Variants in OR4Q3 observed in about 807,000 individuals in gnomAD.
The protein encoded by OR4Q3 is olfactory receptor family 4 subfamily Q member 3.
Under a neutral mutation model 18.8 loss-of-function variants are expected in OR4Q3, and 17 were observed. That is an observed-to-expected ratio of 0.91 (90% CI 0.62 to 1.36). The LOEUF is 1.36. OR4Q3 is among the 40% of genes most tolerant of loss of function. The pLI is 0.00. For missense variants in OR4Q3, 378 were observed against 373.4 expected (o/e 1.01, Z -0.10); for synonymous variants, 158 against 145.8 (o/e 1.08, Z -0.60).
downstream of OR4Q3, among the ~76,000 whole-genome samples, chr14:19,751,781 T>A: frequency 6.6e-6 from 1 of 151,866 alleles, no homozygotes; most frequent in African/African-American, 2.4e-5. Flanking sequence ...TCTTTTTTTT[T>A]ATTTTTTAAT....
downstream of OR4Q3, among the ~76,000 whole-genome samples, chr14:19,749,794 TTC>T: frequency 1.5e-4 from 12 of 78,418 alleles, no homozygotes; most frequent in African/African-American, 3.6e-5. Flanking sequence ...CTTTCTTTCT[TTC>T]TCTCTCTTTC....
exon 2 of OR4Q3, chr14:19,748,863 C>T: frequency 6.2e-6 from 1 of 161,078 alleles, no homozygotes; most frequent in African/African-American, 2.4e-5. Flanking sequence ...GTAACAACCA[C>T]CTATGTGTAG....
exon 2 of OR4Q3, chr14:19,748,468 T>A: frequency 1.1e-6 from 1 of 871,192 alleles, no homozygotes; most frequent in Non-Finnish European, 1.7e-6. Context: ...GACGTTGGTA[T>A]AAAAGAGGAG....
At chr14:19,747,752 G>A in exon 2 of OR4Q3, 1 of 1,613,972 alleles carries the variant, frequency 6.2e-7, no homozygotes, top group East Asian at 2.2e-5. Context: ...CCACTTTCTA[G>A]GAGCCAGTGA....
At chr14:19,744,586 G>A (rs12885744) in intron 1 of OR4Q3, among the ~76,000 whole-genome samples, 19,147 of 149,142 alleles carry the variant, frequency 0.13, 571 homozygotes, top group South Asian at 0.23. Context: ...ACCCTTCCAT[G>A]AAGACTTTCA....
chr14:19,745,152 A>G, intron 1 of OR4Q3, among the ~76,000 whole-genome samples: 4 of 152,192 alleles, frequency 2.6e-5, no homozygotes, highest in African/African-American at 9.6e-5. Context: ...AGATTTTTAT[A>G]TCATTATTAA....
chr14:19,751,560 A>G, downstream of OR4Q3, among the ~76,000 whole-genome samples: 1 of 151,786 alleles, frequency 6.6e-6, no homozygotes, highest in African/African-American at 2.4e-5. Flanking sequence ...TACTGATTCA[A>G]TTTCAGAGCT....
chr14:19,748,299 G>A, exon 2 of OR4Q3: 1 of 1,613,850 alleles, frequency 6.2e-7, no homozygotes, highest in Non-Finnish European at 8.5e-7. Flanking sequence ...TACACACTCA[G>A]AAATACTGAT....
chr14:19,750,922 A>G, downstream of OR4Q3, among the ~76,000 whole-genome samples: 10 of 152,364 alleles, frequency 6.6e-5, no homozygotes, highest in South Asian at 2.1e-3. Context: ...CGAAGATAAT[A>G]TGTTGGATAT....
chr14:19,746,109 T>C, intron 1 of OR4Q3, among the ~76,000 whole-genome samples: 4 of 151,966 alleles, frequency 2.6e-5, no homozygotes, highest in Non-Finnish European at 4.4e-5. Flanking sequence ...ACCTGATATC[T>C]AGTATGAAGG....
chr14:19,748,187 C>A, exon 2 of OR4Q3: 24 of 1,613,956 alleles, frequency 1.5e-5, no homozygotes, highest in Non-Finnish European at 1.9e-5. Context: ...GATCTTCGTG[C>A]CATGCGTATT....
downstream of OR4Q3, among the ~76,000 whole-genome samples, chr14:19,750,912 C>T: frequency 7.9e-5 from 12 of 152,174 alleles, no homozygotes; most frequent in African/African-American, 2.2e-4. Flanking sequence ...TATGATATCC[C>T]GAAGATAATA....
intron 1 of OR4Q3, among the ~76,000 whole-genome samples, chr14:19,746,170 T>C: frequency 6.6e-6 from 1 of 152,094 alleles, no homozygotes; most frequent in African/African-American, 2.4e-5. Flanking sequence ...CAGTGCAACA[T>C]GGATTACAAA....
Position 19,747,200 on chromosome 14 carries a change from A to G in OR4Q3, c.3-206A>G. 2.0e-5 allele frequency among the ~76,000 whole-genome samples: 3 copies of G among 152,326 alleles called. No individual in the cohort carries two copies. The South Asian group carries it at 6.2e-4, about 32-fold the overall frequency. ...TTTCTTTCTTGTTTATTGTGAATGC[A>G]ATTTAAAAGCACTACAGGAATAAAG... On this transcript the variant is annotated intron_variant, in intron 1 of 1. Coordinates refer to ENST00000642117, the Ensembl canonical transcript of OR4Q3.
intron 1 of OR4Q3, among the ~76,000 whole-genome samples, chr14:19,744,204 C>A (rs1176626938): frequency 6.6e-6 from 1 of 152,176 alleles, no homozygotes; most frequent in African/African-American, 2.4e-5. Flanking sequence ...GTGTCCACTT[C>A]TTGGTTTTCA....
chr14:19,746,228 A>G, intron 1 of OR4Q3, among the ~76,000 whole-genome samples: 1 of 152,052 alleles, frequency 6.6e-6, no homozygotes, highest in Non-Finnish European at 1.5e-5. Flanking sequence ...TTTTGTCTAT[A>G]GCTGGTTTTA....
chr14:19,748,171 C>CA lies in OR4Q3; in HGVS notation c.769dup (p.Ser257LysfsTer22). Reference sequence around the variant, plus strand: ...CCTGTGCTTCTCACCTGACAGTGGTCAGCCTGATCTTCGTGCCATGCGTAT... The same window carrying CA: ...CCTGTGCTTCTCACCTGACAGTGGTCAAGCCTGATCTTCGTGCCATGCGTAT... On this transcript the variant is annotated frameshift_variant, in exon 2 of 2. Coordinates refer to ENST00000642117, the Ensembl canonical transcript of OR4Q3. LOFTEE classifies it high-confidence loss of function. 1.2e-6 allele frequency: 2 copies of CA among 1,614,108 alleles called. No homozygotes were observed. The highest frequency in any genetic ancestry group is 4.5e-5 in the East Asian group (2 of 44,880).
At chr14:19,744,775 C>T in intron 1 of OR4Q3, among the ~76,000 whole-genome samples, 19,341 of 149,434 alleles carry the variant, frequency 0.13, 574 homozygotes, top group South Asian at 0.23. Flanking sequence ...CTTTCCAAGC[C>T]CTGCAGGGCT....
At chr14:19,749,933 C>T, downstream of OR4Q3, among the ~76,000 whole-genome samples, 1 of 139,164 alleles carries the variant, frequency 7.2e-6, no homozygotes, top group Admixed American at 7.5e-5. Flanking sequence ...TTCTCTCTCT[C>T]TTTCTTCTTT....
Sources: gnomAD v4.1 joint callset for allele counts (sites outside exome capture counted in the v4.1 genomes callset) on GRCh38, gnomAD v4.1.1 for gene constraint, MANE v1.5 for transcripts, NCBI Gene and HGNC (gene_info 2026-07-23, HGNC 2026-07-21) for gene names.